Variants in NECTIN2 observed in about 807,000 individuals in gnomAD.
The protein encoded by NECTIN2 is nectin-2.
In NECTIN2, 23 loss-of-function variants were observed where a neutral mutation model predicts 56.9. The observed-to-expected ratio is 0.40, with a 90% CI of 0.29 to 0.57. The LOEUF (loss-of-function observed/expected upper bound fraction) is 0.57. Ranked by LOEUF, NECTIN2 falls within the 20% of genes least tolerant of loss-of-function variation. NECTIN2 has a pLI of 0.38. For synonymous variants in NECTIN2, 302 were observed against 313.8 expected (o/e 0.96, Z 0.40); for missense variants, 587 against 718.3 (o/e 0.82, Z 2.09).
At chr19:44,886,606 T>C (rs1183726329) in intron 8 of NECTIN2, among the ~76,000 whole-genome samples, 1 of 151,964 alleles carries the variant, frequency 6.6e-6, no homozygotes, top group Non-Finnish European at 1.5e-5. Context: ...CCTGTAATCT[T>C]AGCTACCCGG....
At chr19:44,877,153 C>G (rs2122697422) in intron 5 of NECTIN2, among the ~76,000 whole-genome samples, 1 of 152,272 alleles carries the variant, frequency 6.6e-6, no homozygotes, top group East Asian at 1.9e-4. Flanking sequence ...CCCGCTGGGT[C>G]ATGACCCCCT....
intron 6 of NECTIN2, among the ~76,000 whole-genome samples, chr19:44,884,101 C>A (rs921352914): frequency 6.6e-6 from 1 of 150,588 alleles, no homozygotes; most frequent in African/African-American, 2.4e-5. Flanking sequence ...CAGAGTGAGA[C>A]CTTGTAAAAA....
chr19:44,859,012 G>A (rs2436474), intron 1 of NECTIN2, among the ~76,000 whole-genome samples: 2 of 151,954 alleles, frequency 1.3e-5, no homozygotes, highest in African/African-American at 2.4e-5. Context: ...AAAGATCCTC[G>A]GCCTGTCCCC....
Position 44,872,064 on chromosome 19 carries a change from A to G in NECTIN2, c.690A>G (p.Arg230=). The G allele has an allele frequency of 6.2e-7, 1 of 1,614,170 alleles. No individual in the cohort carries two copies. Among genetic ancestry groups the G allele is most frequent in the Non-Finnish European group, 8.5e-7 (1 of 1,180,032 alleles). ...GCTTCACCTTGGTGCCCTCGGGCCG[A>G]GCAGATGGTGTCACGGTCACCTGCA... ...TSRFTLVPSG[R]ADGVTVTCKV... Residue 230 remains arginine, a synonymous_variant, in exon 3 of 9, where the codon CGA becomes CGG. Coordinates refer to ENST00000252483, the MANE Select transcript of NECTIN2 (RefSeq NM_001042724.2).
At chr19:44,847,872 C>T (rs1311480737) in intron 1 of NECTIN2, among the ~76,000 whole-genome samples, 2 of 152,086 alleles carry the variant, frequency 1.3e-5, no homozygotes, top group Non-Finnish European at 2.9e-5. Context: ...CATTGCTATG[C>T]CTTGGACCCC....
At chr19:44,872,951 C>G (rs866386892) in intron 3 of NECTIN2, among the ~76,000 whole-genome samples, 2 of 148,782 alleles carry the variant, frequency 1.3e-5, no homozygotes, top group Admixed American at 6.7e-5. Flanking sequence ...GGCTCCACCC[C>G]CCGGGCCCTG....
intron 1 of NECTIN2, among the ~76,000 whole-genome samples, chr19:44,858,652 T>G (rs1968997699): frequency 1.3e-5 from 2 of 150,448 alleles, no homozygotes; most frequent in Non-Finnish European, 3.0e-5. Context: ...TCTTTTTGTT[T>G]CCCCTCCCGA....
At chr19:44,871,813 C>A in intron 2 of NECTIN2, 40 bp from the exon 3 acceptor site, 1 of 1,587,578 alleles carries the variant, frequency 6.3e-7, no homozygotes, top group Non-Finnish European at 8.6e-7. Context: ...TGAATGACTG[C>A]CGGTGAGGAG....
chr19:44,881,281 C>T (rs1036586667), intron 5 of NECTIN2, among the ~76,000 whole-genome samples: 6 of 152,202 alleles, frequency 3.9e-5, no homozygotes, highest in South Asian at 2.1e-4. Context: ...ATTCTGTCCC[C>T]GCATTCTCTG....
chr19:44,870,587 A>G (rs1969162188), intron 2 of NECTIN2, among the ~76,000 whole-genome samples: 1 of 152,076 alleles, frequency 6.6e-6, no homozygotes, highest in Non-Finnish European at 1.5e-5. Context: ...AACGGCTTTG[A>G]GATTTTCTGC....
chr19:44,871,495 T>C (rs1969173759), intron 2 of NECTIN2, among the ~76,000 whole-genome samples: 1 of 152,022 alleles, frequency 6.6e-6, no homozygotes, highest in Non-Finnish European at 1.5e-5. Flanking sequence ...ACCACTGCAC[T>C]CGAGACCAGG....
Position 44,865,012 on chromosome 19 carries a change from G to A in NECTIN2, c.89-259G>A, listed in dbSNP as rs1033667835. Among the ~76,000 whole-genome samples the A allele has an allele frequency of 2.0e-5, 3 of 152,064 alleles. No individual in the cohort carries two copies. The highest frequency in any genetic ancestry group is 2.1e-4 in the South Asian group (1 of 4,828). On this transcript the variant is annotated intron_variant, in intron 1 of 8. Transcript: ENST00000252483. This position sits in a 1 kb window ranked among gnomAD's most constrained non-coding sequence, Gnocchi z 5.2. ...AGCCACAATTTAATTATCACACCTC[G>A]GAACATGAACAGCAATTCCAAAATC... is the stretch of plus-strand genomic sequence containing the variant.
At chr19:44,848,728 C>T (rs1442636780) in intron 1 of NECTIN2, among the ~76,000 whole-genome samples, 1 of 151,508 alleles carries the variant, frequency 6.6e-6, no homozygotes, top group African/African-American at 2.4e-5. Flanking sequence ...CTTTCCCCCT[C>T]TTCATCTCTC....
rs1287973473 is a variant in NECTIN2 at position 44,865,453 on chromosome 19, C to T, written c.271C>T (p.Pro91Ser). ...GGCCGCCTTCCACCCTAAGATGGGTCCCAGCTTCCCCAGCCCGAAGCCTGG... is the reference window on the plus strand; with the variant it reads ...GGCCGCCTTCCACCCTAAGATGGGTTCCAGCTTCCCCAGCCCGAAGCCTGG... ...NVAAFHPKMG[P>S]SFPSPKPGSE... The change falls in exon 2 of 9, where the codon CCC becomes TCC. Residue 91 changes from proline (P) to serine (S), a missense_variant. Physicochemically the swap from Pro to Ser is moderately conservative, Grantham distance 74. Coordinates refer to ENST00000252483, the MANE Select transcript of NECTIN2 (RefSeq NM_001042724.2). The surrounding 1 kb of genome is among the most constrained non-coding windows in gnomAD (Gnocchi z 5.2). 1.2e-6 allele frequency: 2 copies of T among 1,613,908 alleles called. No individual in the cohort carries two copies. Among genetic ancestry groups the T allele is most frequent in the African/African-American group, 2.7e-5 (2 of 74,926 alleles).
chr19:44,857,494 C>T (rs1218798145), intron 1 of NECTIN2, among the ~76,000 whole-genome samples: 3 of 150,104 alleles, frequency 2.0e-5, no homozygotes, highest in Non-Finnish European at 4.4e-5. Context: ...CTCCACCTCC[C>T]GGGTTCAAGC....
chr19:44,859,460 C>T (rs1271180289), intron 1 of NECTIN2, among the ~76,000 whole-genome samples: 1 of 152,196 alleles, frequency 6.6e-6, no homozygotes, highest in Non-Finnish European at 1.5e-5. Context: ...CTATGGGCCA[C>T]TCAGTCGCCA....
At chr19:44,886,098 C>T in intron 7 of NECTIN2, 35 bp from the exon 8 acceptor site, 1 of 1,582,006 alleles carries the variant, frequency 6.3e-7, no homozygotes, top group Non-Finnish European at 8.7e-7. Context: ...GTGGTGGGGG[C>T]AGTTCCTGAC....
chr19:44,855,243 G>A (rs12981508), intron 1 of NECTIN2, among the ~76,000 whole-genome samples: 30,878 of 150,410 alleles, frequency 0.21, 3,313 homozygotes, highest in Middle Eastern at 0.25. Flanking sequence ...GGCTAACACG[G>A]TGAAACCCCG....
chr19:44,876,692 A>T (rs1050362170), intron 5 of NECTIN2, among the ~76,000 whole-genome samples: 3 of 152,280 alleles, frequency 2.0e-5, no homozygotes, highest in Middle Eastern at 3.4e-3. Flanking sequence ...CAGCACGAAC[A>T]TAGGATACGA....
Sources: gnomAD v4.1 joint callset for allele counts (sites outside exome capture counted in the v4.1 genomes callset) on GRCh38, gnomAD v4.1.1 for gene constraint, Gnocchi (gnomAD v3.1) non-coding constraint, MANE v1.5 for transcripts, NCBI Gene and HGNC (gene_info 2026-07-23, HGNC 2026-07-21) for gene names.